The following EFCAB8 variants were observed in gnomAD, a reference collection of about 807,000 sequenced individuals.
EFCAB8 encodes the protein EF-hand calcium binding domain 8.
A neutral mutation model predicts 116.3 loss-of-function variants in EFCAB8; 100 were observed. That is an observed-to-expected ratio of 0.86 (90% confidence interval 0.73 to 1.02). The LOEUF (loss-of-function observed/expected upper bound fraction) is 1.02. Ranked by LOEUF, EFCAB8 falls within the 50% of genes least tolerant of loss-of-function variation. EFCAB8 has a pLI of 0.00. For missense variants in EFCAB8, 1,320 were observed against 1,416.9 expected (o/e 0.93, Z 1.10); for synonymous variants, 558 against 567.9 (o/e 0.98, Z 0.25).
rs1181329462 is a variant in EFCAB8 at position 32,939,848 on chromosome 20, C to T, written c.2791-3788C>T. ...TAGCTGGGATTACAGGTGCCCGCCACCATGCCTGGCTAATTTTTGTATTTT... is the reference window on the plus strand; with the variant it reads ...TAGCTGGGATTACAGGTGCCCGCCATCATGCCTGGCTAATTTTTGTATTTT... On this transcript the variant is annotated intron_variant, in intron 22 of 26. Coordinates refer to ENST00000400522, the MANE Select transcript of EFCAB8 (RefSeq NM_001143967.2). Among the ~76,000 whole-genome samples, 6 of 148,270 alleles carry T rather than the reference C, an allele frequency of 4.0e-5. 1 individual carries two copies. Among genetic ancestry groups the T allele is most frequent in the African/African-American group, 1.5e-4 (6 of 39,700 alleles).
At position 32,867,708 on chromosome 20, in the gene EFCAB8, A is replaced by G. The variant is rs553394756; in HGVS notation, c.169A>G (p.Ile57Val). ...QLFTEIHLAK[I>V]EKMFEEDINS... ...GTTTACTGAGATACACCTGGCCAAG[A>G]TAGAGAAAATGTTTGAGGAGGACAT... The change falls in exon 3 of 27, where the codon ATA (isoleucine) becomes GTA (valine). Residue 57 changes from isoleucine (I) to valine (V), a missense_variant. Ile to Val is a conservative substitution (Grantham distance 29, BLOSUM62 3). Coordinates refer to ENST00000400522, the MANE Select transcript of EFCAB8 (RefSeq NM_001143967.2). The G allele has an allele frequency of 7.7e-6, 12 of 1,551,712 alleles. No homozygotes were observed. The East Asian group carries it at 2.2e-4, about 28-fold the overall frequency.
chr20:32,871,990 A>G (rs963722072), intron 3 of EFCAB8, among the ~76,000 whole-genome samples: 3 of 152,172 alleles, frequency 2.0e-5, no homozygotes, highest in South Asian at 2.1e-4. Context: ...CCTGGCATCT[A>G]TCTTCTACCT....
At chr20:32,960,911 C>T (rs895023431) in intron 26 of EFCAB8, among the ~76,000 whole-genome samples, 5 of 152,334 alleles carry the variant, frequency 3.3e-5, no homozygotes, top group South Asian at 2.1e-4. Context: ...TTGCCACAAG[C>T]GCCGTAACTG....
At chr20:32,860,385 G>C (rs921656303) in intron 1 of EFCAB8, among the ~76,000 whole-genome samples, 1 of 151,272 alleles carries the variant, frequency 6.6e-6, no homozygotes, top group Non-Finnish European at 1.5e-5. Context: ...ATTAGATTCA[G>C]ATCATGTATT....
chr20:32,949,309 G>T (rs1190207157), intron 23 of EFCAB8, among the ~76,000 whole-genome samples: 2 of 152,320 alleles, frequency 1.3e-5, no homozygotes, highest in East Asian at 3.9e-4. Flanking sequence ...CTGTTAATGG[G>T]TAGAAGACTC....
chr20:32,893,697 T>G (rs1478202333), intron 9 of EFCAB8, among the ~76,000 whole-genome samples: 1 of 151,874 alleles, frequency 6.6e-6, no homozygotes, highest in African/African-American at 2.4e-5. Flanking sequence ...TCTCCTTGGC[T>G]CTAGTGCTGC....
intron 5 of EFCAB8, among the ~76,000 whole-genome samples, chr20:32,885,130 T>A (rs1985544876): frequency 1.1e-5 from 1 of 95,234 alleles, no homozygotes. Flanking sequence ...TCCACTCTGC[T>A]CACCCTCTCC....
intron 21 of EFCAB8, 91 bp downstream of exon 21, chr20:32,930,707 C>T: frequency 1.6e-6 from 2 of 1,234,962 alleles, no homozygotes; most frequent in Non-Finnish European, 2.3e-6. Context: ...CTAGTTCCTA[C>T]TCTGTCTGGG....
At chr20:32,955,515 G>A (rs1389307911) in intron 23 of EFCAB8, among the ~76,000 whole-genome samples, 8 of 152,068 alleles carry the variant, frequency 5.3e-5, no homozygotes, top group African/African-American at 1.4e-4. Flanking sequence ...ACTCCAGCTT[G>A]GGGAACAGAA....
At chr20:32,922,837 C>T (rs916905520) in intron 20 of EFCAB8, among the ~76,000 whole-genome samples, 3 of 152,138 alleles carry the variant, frequency 2.0e-5, no homozygotes, top group Non-Finnish European at 4.4e-5. Context: ...CTGTATCTCT[C>T]TCTGATACTT....
chr20:32,880,238 G>A (rs1435171992), intron 5 of EFCAB8, among the ~76,000 whole-genome samples: 1 of 151,750 alleles, frequency 6.6e-6, no homozygotes, highest in Non-Finnish European at 1.5e-5. Flanking sequence ...GTTTAATAGA[G>A]AAGGCGGCTT....
chr20:32,879,117 A>G (rs1353124245), intron 5 of EFCAB8, among the ~76,000 whole-genome samples: 1 of 152,158 alleles, frequency 6.6e-6, no homozygotes, highest in Non-Finnish European at 1.5e-5. Context: ...CCCATTCCCC[A>G]GTATACAGCA....
chr20:32,908,270 C>G lies in EFCAB8; in HGVS notation c.1309-5C>G. On this transcript the variant is annotated splice_polypyrimidine_tract_variant and splice_region_variant and intron_variant, in intron 13 of 26. Coordinates refer to ENST00000400522, the MANE Select transcript of EFCAB8 (RefSeq NM_001143967.2). ...TCAGCGTCTTGCCTTTTTCCCATCC[C>G]CCAGAATATTCGCGTGTGGGACATG... The G allele has an allele frequency of 8.0e-7, 1 of 1,249,900 alleles. No individual in the cohort carries two copies. 77.4% of individuals were successfully genotyped at this position (1,249,900 alleles called of 1,614,324 possible).
At chr20:32,913,201 A>T (rs1568926428) in intron 17 of EFCAB8, among the ~76,000 whole-genome samples, 1 of 152,152 alleles carries the variant, frequency 6.6e-6, no homozygotes, top group Non-Finnish European at 1.5e-5. Context: ...AACAACATAA[A>T]TTTATTTATC....
intron 22 of EFCAB8, 27 bp from the exon 23 acceptor site, chr20:32,943,609 G>C (rs1988473598): frequency 2.4e-6 from 1 of 416,774 alleles, no homozygotes; most frequent in African/African-American, 2.1e-5. Flanking sequence ...CTTGGTAAAA[G>C]TGTTTCTCCT....
chr20:32,893,615 C>T (rs550749299), intron 9 of EFCAB8, among the ~76,000 whole-genome samples: 1 of 152,270 alleles, frequency 6.6e-6, no homozygotes, highest in African/African-American at 2.4e-5. Context: ...GGAAGTCCTT[C>T]ATCCACTCTG....
chr20:32,947,114 G>A (rs541481861), intron 23 of EFCAB8, among the ~76,000 whole-genome samples: 18 of 152,142 alleles, frequency 1.2e-4, no homozygotes, highest in Non-Finnish European at 2.2e-4. Context: ...TTTCTGTTGG[G>A]TAAGTATTTA....
At position 32,866,102 on chromosome 20, in the gene EFCAB8, G is replaced by T. The variant is rs181086916; in HGVS notation, c.43-1480G>T. Reference sequence around the variant, plus strand: ...GAGCCTTCACGTGCTCCTCTGTTGGGCTCCGTGGAGGCAGGGACCCTCACT... The same window carrying T: ...GAGCCTTCACGTGCTCCTCTGTTGGTCTCCGTGGAGGCAGGGACCCTCACT... On this transcript the variant is annotated intron_variant, in intron 2 of 26. Coordinates refer to ENST00000400522, the MANE Select transcript of EFCAB8 (RefSeq NM_001143967.2). Among the ~76,000 whole-genome samples, 38 of 152,222 alleles carry T rather than the reference G, an allele frequency of 2.5e-4. No homozygotes were observed. The East Asian group carries it at 6.8e-3, about 27-fold the overall frequency.
rs982085222 is a variant in EFCAB8, at chr20:32,906,884, T to G, written c.1198T>G (p.Phe400Val). 6.5e-7 allele frequency: 1 copy of G among 1,549,926 alleles called. No individual in the cohort carries two copies. ...YDAFIRLWNPFVSKRPVWLMK... is the reference protein window; with the variant it reads ...YDAFIRLWNPVVSKRPVWLMK... ...TGCCTTCATCCGCCTGTGGAACCCC[T>G]TTGTCTCAAAGAGGCCCGTGTGGCT... The change falls in exon 13 of 27, where the codon TTT becomes GTT. Residue 400 changes from phenylalanine to valine, a missense_variant. Physicochemically the swap from Phe to Val is conservative, Grantham distance 50. Transcript: ENST00000400522.
Sources: allele counts gnomAD v4.1 joint callset (sites outside exome capture counted in the v4.1 genomes callset), GRCh38; gene constraint gnomAD v4.1.1; transcripts MANE v1.5; gene names NCBI Gene and HGNC (gene_info 2026-07-23, HGNC 2026-07-21).